LRRC7: variants seen among roughly 807,000 people sequenced by gnomAD.
LRRC7 encodes leucine rich repeat containing 7, also known as leucine-rich repeat-containing protein 7.
In LRRC7, 23 loss-of-function variants were observed where a neutral mutation model predicts 175.7. The ratio of observed to expected loss-of-function variants is 0.13; its 90% CI spans 0.09 to 0.19. The LOEUF is 0.19. Ranked by LOEUF, LRRC7 falls within the 10% of genes least tolerant of loss-of-function variation. The pLI is 1.00. For missense variants in LRRC7, 1,354 were observed against 1,904.7 expected, an observed-to-expected ratio of 0.71 and a Z score of 5.38; for synonymous variants, 685 against 680.9, an observed-to-expected ratio of 1.01 and a Z score of -0.09.
At chr1:70,062,982 G>T (rs4650025) in intron 23 of LRRC7, among the ~76,000 whole-genome samples, 5,199 of 152,082 alleles carry the variant, frequency 0.034, 194 homozygotes, top group African/African-American at 0.1. Context: ...AGTCACTTTT[G>T]TATTGGATTT....
In LRRC7 at chr1:70,034,221, T is replaced by A. The variant is rs146985496; in HGVS notation, c.1996-1900T>A. ...CAAAGGTATATAAAGGCTTTTATCC[T>A]CCCTTCTGTCACCTTAAAACTGTCA... On this transcript the variant is annotated intron_variant, in intron 18 of 26. Coordinates refer to ENST00000651989, the MANE Select transcript of LRRC7 (RefSeq NM_001370785.2). 2.2e-3 allele frequency among the ~76,000 whole-genome samples: 339 copies of A among 152,280 alleles called. 2 individuals carry two copies. The highest frequency in any genetic ancestry group is 8.0e-3 in the African/African-American group (332 of 41,556).
intron 1 of LRRC7, among the ~76,000 whole-genome samples, chr1:69,667,072 T>G (rs959701383): frequency 6.6e-6 from 1 of 152,192 alleles, no homozygotes; most frequent in African/African-American, 2.4e-5. Flanking sequence ...CACTGGTTAT[T>G]CAGGAGCATA....
intron 1 of LRRC7, among the ~76,000 whole-genome samples, chr1:69,621,725 T>G (rs1427780600): frequency 2.0e-5 from 3 of 152,186 alleles, no homozygotes; most frequent in African/African-American, 7.2e-5. Context: ...TGGAATTGTA[T>G]TCAAAGCTTC....
At chr1:69,906,754 G>T (rs1272698636) in intron 7 of LRRC7, among the ~76,000 whole-genome samples, 3 of 152,020 alleles carry the variant, frequency 2.0e-5, no homozygotes, top group Admixed American at 2.0e-4. Flanking sequence ...CTCTTTTTTG[G>T]TTCCATATGA....
intron 10 of LRRC7, among the ~76,000 whole-genome samples, chr1:69,989,606 A>T (rs1405157945): frequency 1.3e-5 from 2 of 152,124 alleles, no homozygotes; most frequent in African/African-American, 4.8e-5. Context: ...AGAGACACAG[A>T]GAATAGAATA....
At chr1:69,852,792 A>C (rs932519180) in intron 7 of LRRC7, among the ~76,000 whole-genome samples, 1 of 152,164 alleles carries the variant, frequency 6.6e-6, no homozygotes, top group Admixed American at 6.6e-5. Flanking sequence ...GTTACAGTAC[A>C]TTTTAGATGG....
At chr1:69,779,029 T>C (rs895175240) in intron 3 of LRRC7, among the ~76,000 whole-genome samples, 1 of 150,882 alleles carries the variant, frequency 6.6e-6, no homozygotes, top group East Asian at 1.9e-4. Flanking sequence ...CATATATATA[T>C]ATACACACAC....
chr1:69,718,138 G>GAAAGAA (rs772161376), intron 2 of LRRC7, among the ~76,000 whole-genome samples: 2,489 of 40,748 alleles, frequency 0.061, 79 homozygotes, highest in East Asian at 0.064. Context: ...AAGAAAGAAA[G>GAAAGAA]AGAGAGAAAG....
At chr1:69,642,811 C>CATGATAGATAG in intron 1 of LRRC7, among the ~76,000 whole-genome samples, 1 of 147,294 alleles carries the variant, frequency 6.8e-6, no homozygotes, top group African/African-American at 2.5e-5. Flanking sequence ...ACAGATGATA[C>CATGATAGATAG]ATAGATAGAT....
chr1:69,919,588 G>T lies in LRRC7; in HGVS notation c.648-11919G>T, dbSNP rs1228833307. The T allele has an allele frequency of 6.1e-5, 49 of 806,288 alleles. No individual in the cohort carries two copies. In the Admixed American group the frequency reaches 9.0e-4, roughly 15 times the overall value. The allele number at this position is 806,288 out of a possible 1,614,324, so 49.9% of individuals were successfully genotyped here. On this transcript the variant is annotated intron_variant, in intron 7 of 26. Transcript: ENST00000651989. ...CGACCTGGCGGCAGGAAATCACCCGGACCAAGGAGGAGGCCCTGGAGCTGA... is the reference window on the plus strand; with the variant it reads ...CGACCTGGCGGCAGGAAATCACCCGTACCAAGGAGGAGGCCCTGGAGCTGA...
chr1:70,038,321 T>G lies in LRRC7; in HGVS notation c.2497T>G (p.Leu833Val). Residue 833 changes from leucine to valine, a missense_variant, in exon 21 of 27, where the codon TTA (leucine) becomes GTA (valine). Physicochemically the swap from Leu to Val is conservative, Grantham distance 32. Around this residue, in one of 4 missense-constraint regions of LRRC7, gnomAD observed 1,032 missense variants for 1,227.2 expected, o/e 0.84. Coordinates refer to ENST00000651989, the MANE Select transcript of LRRC7 (RefSeq NM_001370785.2). ...TAENANSNPL[L>V]SSKSRSTSSH... Reference sequence around the variant, plus strand: ...CGAGAATGCCAACAGTAATCCTCTCTTAAGTTCGAAATCTAGAAGCACATC... The same window carrying G: ...CGAGAATGCCAACAGTAATCCTCTCGTAAGTTCGAAATCTAGAAGCACATC... The G allele has an allele frequency of 6.2e-7, 1 of 1,614,116 alleles. No individual in the cohort carries two copies. Among genetic ancestry groups the G allele is most frequent in the East Asian group, 2.2e-5 (1 of 44,858 alleles).
chr1:69,677,056 A>G (rs1378552391), intron 1 of LRRC7, among the ~76,000 whole-genome samples: 1 of 151,734 alleles, frequency 6.6e-6, no homozygotes, highest in Admixed American at 6.6e-5. Flanking sequence ...TTCCTGAGTT[A>G]CTTCATTTAG....
intron 7 of LRRC7, among the ~76,000 whole-genome samples, chr1:69,872,856 CT>C (rs1431514944): frequency 6.6e-6 from 1 of 152,086 alleles, no homozygotes; most frequent in African/African-American, 2.4e-5. Flanking sequence ...TCATTGGTGT[CT>C]TTCAATGATG....
At chr1:69,717,849 G>GAAA (rs1393598159) in intron 2 of LRRC7, among the ~76,000 whole-genome samples, 2 of 31,508 alleles carry the variant, frequency 6.3e-5, no homozygotes, top group Admixed American at 4.3e-4. Flanking sequence ...AAAAAAGAAA[G>GAAA]AAAGGAAAGA....
At chr1:69,938,189 G>A (rs1321148876) in intron 8 of LRRC7, among the ~76,000 whole-genome samples, 1 of 151,958 alleles carries the variant, frequency 6.6e-6, no homozygotes, top group Non-Finnish European at 1.5e-5. Flanking sequence ...AATTCAGCAG[G>A]AAATAAGTAG....
chr1:69,888,403 T>C (rs1166187086), intron 7 of LRRC7, among the ~76,000 whole-genome samples: 1 of 152,110 alleles, frequency 6.6e-6, no homozygotes, highest in Non-Finnish European at 1.5e-5. Context: ...GTCACCCCTT[T>C]CTTTGACTTG....
chr1:69,912,345 G>T (rs1204172501), intron 7 of LRRC7, among the ~76,000 whole-genome samples: 1 of 152,166 alleles, frequency 6.6e-6, no homozygotes, highest in Non-Finnish European at 1.5e-5. Context: ...TCCTTGCCCA[G>T]TTATCTACAA....
chr1:70,090,330 T>G (rs552212876), intron 25 of LRRC7, among the ~76,000 whole-genome samples: 68 of 152,128 alleles, frequency 4.5e-4, no homozygotes, highest in Admixed American at 3.3e-4. Flanking sequence ...GAAAACAAAT[T>G]TTTTATGAGA....
rs991468390 is a variant in LRRC7 at position 70,138,805 on chromosome 1, G to C, written c.*16918G>C. ...CTACCAGTGAGAAGATCAGTGCCAG[G>C]TCACAGAAAAAGCTAATCATTTTTA... On this transcript the variant is annotated 3_prime_UTR_variant, in exon 27 of 27. Coordinates refer to ENST00000651989, the MANE Select transcript of LRRC7 (RefSeq NM_001370785.2). 6.6e-6 allele frequency: 1 copy of C among 152,114 alleles called. No homozygotes were observed. Among genetic ancestry groups the C allele is most frequent in the African/African-American group, 2.4e-5 (1 of 41,428 alleles). The allele number at this position is 152,114 out of a possible 1,614,324, so 9.4% of individuals were successfully genotyped here. A position where few individuals can be genotyped will look rare whatever the true frequency, so the allele number is the denominator to read the frequency against.
Sources: gnomAD v4.1 joint callset for allele counts (sites outside exome capture counted in the v4.1 genomes callset) on GRCh38, gnomAD v4.1.1 for gene constraint, gnomAD v4.1.1 regional missense constraint, MANE v1.5 for transcripts, NCBI Gene and HGNC (gene_info 2026-07-23, HGNC 2026-07-21) for gene names.